Variants in HLA-E observed in about 807,000 individuals in gnomAD.
HLA-E encodes major histocompatibility complex, class I, E, also known as HLA class I histocompatibility antigen, alpha chain E.
HLA-E carries 25 observed loss-of-function variants against 43.4 expected under a neutral mutation model. The observed-to-expected ratio is 0.58, with a 90% CI of 0.42 to 0.80. The LOEUF is 0.80. Among genes scored for constraint, HLA-E ranks in the 30% least tolerant of loss-of-function variants. The probability of loss-of-function intolerance (pLI) is 0.00; values close to 1 mark genes in which losing one functional copy is unlikely to be tolerated. For synonymous variants in HLA-E, 161 were observed against 197.6 expected, an observed-to-expected ratio of 0.81 and a Z score of 1.55; for missense variants, 343 against 470.0, an observed-to-expected ratio of 0.73 and a Z score of 2.50.
chr6:30,490,645 G>A lies in HLA-E; in HGVS notation c.610+130G>A. The A allele has an allele frequency of 1.1e-6, 1 of 896,556 alleles. No homozygotes were observed. Among genetic ancestry groups the A allele is most frequent in the Non-Finnish European group, 1.7e-6 (1 of 602,016 alleles). The allele number at this position is 896,556 out of a possible 1,614,324, so 55.5% of individuals were successfully genotyped here. ...ATACCACTCCTCCCTTGGATCAGGA[G>A]AGGGAGCTGTCACCTGAGGTACAGG... On this transcript the variant is annotated intron_variant, in intron 3 of 7. Coordinates refer to ENST00000376630, the MANE Select transcript of HLA-E (RefSeq NM_005516.6). The surrounding 1 kb of genome is among the most constrained non-coding windows in gnomAD (Gnocchi z 6.6).
At position 30,489,975 on chromosome 6, in the gene HLA-E, A is replaced by G; in HGVS notation, c.314A>G (p.Tyr105Cys). 1.2e-6 allele frequency: 2 copies of G among 1,609,972 alleles called. No individual in the cohort carries two copies. Among genetic ancestry groups the G allele is most frequent in the Non-Finnish European group, 1.7e-6 (2 of 1,178,078 alleles). ...FRVNLRTLRG[Y>C]YNQSEAGSHT... ...GTGAATCTGCGGACGCTGCGCGGCTACTACAATCAGAGCGAGGCCGGTGAG... is the reference window on the plus strand; with the variant it reads ...GTGAATCTGCGGACGCTGCGCGGCTGCTACAATCAGAGCGAGGCCGGTGAG... Residue 105 changes from tyrosine to cysteine, a missense_variant, in exon 2 of 8, where the codon TAC (tyrosine) becomes TGC (cysteine). Around this residue, in one of 3 missense-constraint regions of HLA-E, gnomAD observed 59 missense variants for 42.0 expected, o/e 1.40. Transcript: ENST00000376630. The surrounding 1 kb of genome is among the most constrained non-coding windows in gnomAD (Gnocchi z 5.6).
rs1239713919 is a variant in HLA-E at position 30,492,100 on chromosome 6, C to T, written c.1004-304C>T. On this transcript the variant is annotated intron_variant, in intron 5 of 7. Transcript: ENST00000376630. The surrounding 1 kb of genome is among the most constrained non-coding windows in gnomAD (Gnocchi z 4.5). ...ACAGTCGTGAGCCACCGCACCCAGC[C>T]GCACCTACTCTTTTGTAAAGCACCT... 6.6e-6 allele frequency among the ~76,000 whole-genome samples: 1 copy of T among 152,086 alleles called. No individual in the cohort carries two copies. Among genetic ancestry groups the T allele is most frequent in the Non-Finnish European group, 1.5e-5 (1 of 68,034 alleles).
chr6:30,492,496 A>G lies in HLA-E; in HGVS notation c.1037-45A>G. The G allele has an allele frequency of 1.2e-6, 2 of 1,614,006 alleles. No homozygotes were observed. The highest frequency in any genetic ancestry group is 1.1e-5 in the South Asian group (1 of 91,072). On this transcript the variant is annotated intron_variant, in intron 6 of 7. Transcript: ENST00000376630. This position sits in a 1 kb window ranked among gnomAD's most constrained non-coding sequence, Gnocchi z 4.5. ...CACCCTATAATTCCTCCTGCACCAC[A>G]TCTCCTGTGGGCTCTGACCAGGTCT... is the stretch of plus-strand genomic sequence containing the variant.
Position 30,490,255 on chromosome 6 carries a change from A to C in HLA-E, c.350A>C (p.Gln117Pro). 1.2e-6 allele frequency: 2 copies of C among 1,612,838 alleles called. No individual in the cohort carries two copies. Among genetic ancestry groups the C allele is most frequent in the Non-Finnish European group, 1.7e-6 (2 of 1,179,924 alleles). Residue 117 changes from glutamine (Q) to proline (P), a missense_variant, in exon 3 of 8, where the codon CAG becomes CCG. Around this residue, in one of 3 missense-constraint regions of HLA-E, gnomAD observed 59 missense variants for 42.0 expected, o/e 1.40. Transcript: ENST00000376630. The surrounding 1 kb of genome is among the most constrained non-coding windows in gnomAD (Gnocchi z 6.6). ...GCGGGGCCAGGGTCTCACACCCTGC[A>C]GTGGATGCATGGCTGCGAGCTGGGG... Reference protein sequence around the residue: ...NQSEAGSHTLQWMHGCELGPD... With the variant: ...NQSEAGSHTLPWMHGCELGPD...
chr6:30,491,049 TCTTC>T lies in HLA-E; in HGVS notation c.611-83_611-80del. The T allele has an allele frequency of 3.9e-6, 6 of 1,530,546 alleles. No homozygotes were observed. The highest frequency in any genetic ancestry group is 5.3e-6 in the Non-Finnish European group (6 of 1,124,442). 94.8% of individuals were successfully genotyped at this position (1,530,546 alleles called of 1,614,324 possible). A position where few individuals can be genotyped will look rare whatever the true frequency, so the allele number is the denominator to read the frequency against. ...TCCTCTTCTCCTACTATAATTGTCC[TCTTC>T]CTTCTCAGGATGGTCACATGGGTGC... On this transcript the variant is annotated intron_variant, in intron 3 of 7. Coordinates refer to ENST00000376630, the MANE Select transcript of HLA-E (RefSeq NM_005516.6). The surrounding 1 kb of genome is among the most constrained non-coding windows in gnomAD (Gnocchi z 5.4).
Position 30,490,559 on chromosome 6 carries a change from T to A in HLA-E, c.610+44T>A, listed in dbSNP as rs757684448. ...CTACTCTCCCATCTCCTTCTTGGGC[T>A]AGGACTGTGCCCACAGCTGACAGAC... On this transcript the variant is annotated intron_variant, in intron 3 of 7. Transcript: ENST00000376630. The surrounding 1 kb of genome is among the most constrained non-coding windows in gnomAD (Gnocchi z 6.6). 2 of 1,570,750 alleles carry A rather than the reference T, an allele frequency of 1.3e-6. No homozygotes were observed. The highest frequency in any genetic ancestry group is 1.7e-6 in the Non-Finnish European group (2 of 1,152,534).
Position 30,492,796 on chromosome 6 carries a change from G to A in HLA-E, c.*50G>A. 1.5e-6 allele frequency: 1 copy of A among 675,956 alleles called. No individual in the cohort carries two copies. The highest frequency in any genetic ancestry group is 2.5e-5 in the East Asian group (1 of 39,830). The allele number at this position is 675,956 out of a possible 1,614,324, so 41.9% of individuals were successfully genotyped here. On this transcript the variant is annotated 3_prime_UTR_variant, in exon 8 of 8. Coordinates refer to ENST00000376630, the MANE Select transcript of HLA-E (RefSeq NM_005516.6). This position sits in a 1 kb window ranked among gnomAD's most constrained non-coding sequence, Gnocchi z 4.5. ...CGACTGAGATGCACAGCTGCCTTGT[G>A]TGCGACTGAGATGCAGGATTTCCTC...
In HLA-E at chr6:30,489,751, C is replaced by T. The variant is rs537187993; in HGVS notation, c.90C>T (p.His30=). The change falls in exon 2 of 8, where the codon CAC becomes CAT. Residue 30 remains histidine (H), a synonymous_variant. Transcript: ENST00000376630. The surrounding 1 kb of genome is among the most constrained non-coding windows in gnomAD (Gnocchi z 5.6). ...GCTCCCACTCCTTGAAGTATTTCCA[C>T]ACTTCCGTGTCCCGGCCCGGCCGCG... ...WAGSHSLKYF[H]TSVSRPGRGE... is the part of the protein sequence containing the mutation. 1.9e-6 allele frequency: 3 copies of T among 1,612,770 alleles called. No individual in the cohort carries two copies. Among genetic ancestry groups the T allele is most frequent in the South Asian group, 2.2e-5 (2 of 91,072 alleles).
At position 30,492,271 on chromosome 6, in the gene HLA-E, G is replaced by A. The variant is rs538183046; in HGVS notation, c.1004-133G>A. 40 of 934,998 alleles carry A rather than the reference G, an allele frequency of 4.3e-5. No homozygotes were observed. The highest frequency in any genetic ancestry group is 6.5e-5 in the African/African-American group (4 of 61,380). The allele number at this position is 934,998 out of a possible 1,614,324, so 57.9% of individuals were successfully genotyped here. On this transcript the variant is annotated intron_variant, in intron 5 of 7. Coordinates refer to ENST00000376630, the MANE Select transcript of HLA-E (RefSeq NM_005516.6). This position sits in a 1 kb window ranked among gnomAD's most constrained non-coding sequence, Gnocchi z 4.5. ...CAGGACCCACACCTGCTTTCTTCACGTTTCCTGATCCTGCCCTGGGTCTGC... is the reference window on the plus strand; with the variant it reads ...CAGGACCCACACCTGCTTTCTTCACATTTCCTGATCCTGCCCTGGGTCTGC...
chr6:30,493,090 G>T lies in HLA-E; in HGVS notation c.*344G>T. On this transcript the variant is annotated 3_prime_UTR_variant, in exon 8 of 8. Transcript: ENST00000376630. The surrounding 1 kb of genome is among the most constrained non-coding windows in gnomAD (Gnocchi z 5.5). ...GGGCAGATCACGAGGTCAGGAGATC[G>T]AAACCATCCTGGCTAACACGGTGAA... is the stretch of plus-strand genomic sequence containing the variant. The T allele has an allele frequency of 6.3e-6, 1 of 157,918 alleles. No individual in the cohort carries two copies. 9.8% of individuals were successfully genotyped at this position (157,918 alleles called of 1,614,324 possible).
rs1055810858 is a variant in HLA-E at position 30,493,001 on chromosome 6, A to T, written c.*255A>T. On this transcript the variant is annotated 3_prime_UTR_variant, in exon 8 of 8. Coordinates refer to ENST00000376630, the MANE Select transcript of HLA-E (RefSeq NM_005516.6). The surrounding 1 kb of genome is among the most constrained non-coding windows in gnomAD (Gnocchi z 5.5). ...TTCCCTGTTCTCTTTTCTATTAAAA[A>T]TAAGAACCTGGGCAGAGTGCGGCAG... is the stretch of plus-strand genomic sequence containing the variant. 4.8e-6 allele frequency: 1 copy of T among 210,310 alleles called. No individual in the cohort carries two copies. The highest frequency in any genetic ancestry group is 9.4e-6 in the Non-Finnish European group (1 of 106,782). 13.0% of individuals were successfully genotyped at this position (210,310 alleles called of 1,614,324 possible). A position where few individuals can be genotyped will look rare whatever the true frequency, so the allele number is the denominator to read the frequency against.
At position 30,494,136 on chromosome 6, in the gene HLA-E, C is replaced by T. The variant is rs554450307; in HGVS notation, c.*1390C>T. ...ACAGCATCTGCTTCATTCCCCTCAC[C>T]TTCCCAGGCTGATCTGAGGTAAACT... is the stretch of plus-strand genomic sequence containing the variant. On this transcript the variant is annotated 3_prime_UTR_variant, in exon 8 of 8. Transcript: ENST00000376630. This position sits in a 1 kb window ranked among gnomAD's most constrained non-coding sequence, Gnocchi z 4.9. The T allele has an allele frequency of 6.6e-6, 1 of 152,374 alleles. No individual in the cohort carries two copies. Among genetic ancestry groups the T allele is most frequent in the South Asian group, 2.1e-4 (1 of 4,832 alleles). The allele number at this position is 152,374 out of a possible 1,614,324, so 9.4% of individuals were successfully genotyped here.
rs1353327913 is a variant in HLA-E, at chr6:30,489,968, C to G, written c.307C>G (p.Arg103Gly). Reference sequence around the variant, plus strand: ...TTTCCGAGTGAATCTGCGGACGCTGCGCGGCTACTACAATCAGAGCGAGGC... The same window carrying G: ...TTTCCGAGTGAATCTGCGGACGCTGGGCGGCTACTACAATCAGAGCGAGGC... Reference protein sequence around the residue: ...QIFRVNLRTLRGYYNQSEAGS... With the variant: ...QIFRVNLRTLGGYYNQSEAGS... Residue 103 changes from arginine (R) to glycine (G), a missense_variant, in exon 2 of 8, where the codon CGC becomes GGC. Arg to Gly is a moderately radical substitution (Grantham distance 125). Coordinates refer to ENST00000376630, the MANE Select transcript of HLA-E (RefSeq NM_005516.6). The surrounding 1 kb of genome is among the most constrained non-coding windows in gnomAD (Gnocchi z 5.6). 6.2e-7 allele frequency: 1 copy of G among 1,610,222 alleles called. No homozygotes were observed. Among genetic ancestry groups the G allele is most frequent in the African/African-American group, 1.3e-5 (1 of 74,874 alleles).
At position 30,491,858 on chromosome 6, in the gene HLA-E, G is replaced by A. The variant is rs187455027; in HGVS notation, c.1003+205G>A. ...GTCACCCAGGCTGGAGTGCAATGGC[G>A]TGGTTTCAGCTCACTGCAACCTCCG... On this transcript the variant is annotated intron_variant, in intron 5 of 7. Coordinates refer to ENST00000376630, the MANE Select transcript of HLA-E (RefSeq NM_005516.6). The surrounding 1 kb of genome is among the most constrained non-coding windows in gnomAD (Gnocchi z 5.4). Among the ~76,000 whole-genome samples, 209 of 152,118 alleles carry A rather than the reference G, an allele frequency of 1.4e-3. No homozygotes were observed. The highest frequency in any genetic ancestry group is 3.4e-3 in the Middle Eastern group (1 of 294).
Position 30,489,672 on chromosome 6 carries a change from G to C in HLA-E, c.65-54G>C. On this transcript the variant is annotated intron_variant, in intron 1 of 7. Transcript: ENST00000376630. This position sits in a 1 kb window ranked among gnomAD's most constrained non-coding sequence, Gnocchi z 5.6. ...CGGCCCGGCGGGGGCGAAGGACTCG[G>C]GGAGCCGCGCCGGGAGGAGGGTCGG... The C allele has an allele frequency of 1.9e-6, 3 of 1,609,928 alleles. No homozygotes were observed. Among genetic ancestry groups the C allele is most frequent in the Non-Finnish European group, 2.5e-6 (3 of 1,178,316 alleles).
chr6:30,491,509 G>A lies in HLA-E; in HGVS notation c.887-28G>A, dbSNP rs1796535004. ...GTCAGGGCTGAGGCCTGGGGGTCAGGGCCCCTTACGTTCCCCTCTTTTCCC... is the reference window on the plus strand; with the variant it reads ...GTCAGGGCTGAGGCCTGGGGGTCAGAGCCCCTTACGTTCCCCTCTTTTCCC... On this transcript the variant is annotated intron_variant, in intron 4 of 7. Transcript: ENST00000376630. This position sits in a 1 kb window ranked among gnomAD's most constrained non-coding sequence, Gnocchi z 5.4. 6.2e-7 allele frequency: 1 copy of A among 1,611,720 alleles called. No homozygotes were observed. The highest frequency in any genetic ancestry group is 1.3e-5 in the African/African-American group (1 of 74,896).
rs752174313 is a variant in HLA-E at position 30,489,686 on chromosome 6, G to A, written c.65-40G>A. 1.2e-6 allele frequency: 2 copies of A among 1,611,160 alleles called. No homozygotes were observed. The highest frequency in any genetic ancestry group is 1.1e-5 in the South Asian group (1 of 90,978). On this transcript the variant is annotated intron_variant, in intron 1 of 7. Transcript: ENST00000376630. This position sits in a 1 kb window ranked among gnomAD's most constrained non-coding sequence, Gnocchi z 5.6. Reference sequence around the variant, plus strand: ...CGAAGGACTCGGGGAGCCGCGCCGGGAGGAGGGTCGGGCCGATCTCAGCCC... The same window carrying A: ...CGAAGGACTCGGGGAGCCGCGCCGGAAGGAGGGTCGGGCCGATCTCAGCCC...
At position 30,490,284 on chromosome 6, in the gene HLA-E, G is replaced by C. The variant is rs753027377; in HGVS notation, c.379G>C (p.Asp127His). Reference protein sequence around the residue: ...QWMHGCELGPDGRFLRGYEQF... With the variant: ...QWMHGCELGPHGRFLRGYEQF... Reference sequence around the variant, plus strand: ...GATGCATGGCTGCGAGCTGGGGCCCGACGGGCGCTTCCTCCGCGGGTATGA... The same window carrying C: ...GATGCATGGCTGCGAGCTGGGGCCCCACGGGCGCTTCCTCCGCGGGTATGA... Residue 127 changes from aspartate (D) to histidine (H), a missense_variant, in exon 3 of 8, where the codon GAC (aspartate) becomes CAC (histidine). Physicochemically the swap from Asp to His is moderately conservative, Grantham distance 81. Around this residue, in one of 3 missense-constraint regions of HLA-E, gnomAD observed 59 missense variants for 42.0 expected, o/e 1.40. Coordinates refer to ENST00000376630, the MANE Select transcript of HLA-E (RefSeq NM_005516.6). The surrounding 1 kb of genome is among the most constrained non-coding windows in gnomAD (Gnocchi z 6.6). The C allele has an allele frequency of 6.2e-7, 1 of 1,613,060 alleles. No individual in the cohort carries two copies. The highest frequency in any genetic ancestry group is 8.5e-7 in the Non-Finnish European group (1 of 1,180,010).
At position 30,492,643 on chromosome 6, in the gene HLA-E, G is replaced by A; in HGVS notation, c.*2+60G>A. On this transcript the variant is annotated intron_variant, in intron 7 of 7. Coordinates refer to ENST00000376630, the MANE Select transcript of HLA-E (RefSeq NM_005516.6). This position sits in a 1 kb window ranked among gnomAD's most constrained non-coding sequence, Gnocchi z 4.5. The stretch of plus-strand genomic sequence containing the variant: ...GGGGCAGAGGGGACAGGACTGGGTT[G>A]TGGGGATTTTTTGATTCAGAATTTT... 1 of 1,543,240 alleles carries A rather than the reference G, an allele frequency of 6.5e-7. No individual in the cohort carries two copies. Among genetic ancestry groups the A allele is most frequent in the Non-Finnish European group, 8.8e-7 (1 of 1,131,596 alleles).
Sources: allele counts gnomAD v4.1 joint callset (sites outside exome capture counted in the v4.1 genomes callset), GRCh38; gene constraint gnomAD v4.1.1; regional missense constraint gnomAD v4.1.1; non-coding constraint Gnocchi (gnomAD v3.1); transcripts MANE v1.5; gene names NCBI Gene and HGNC (gene_info 2026-07-23, HGNC 2026-07-21).